Variants in SIGLEC8 observed in about 807,000 individuals in gnomAD.
The protein encoded by SIGLEC8 is sialic acid-binding Ig-like lectin 8.
Under a neutral mutation model 42.1 loss-of-function variants are expected in SIGLEC8, and 32 were observed. The ratio of observed to expected loss-of-function variants is 0.76; its 90% CI spans 0.57 to 1.02. The LOEUF is 1.02. Ranked by LOEUF, SIGLEC8 falls within the 50% of genes least tolerant of loss-of-function variation. SIGLEC8 has a pLI of 0.00. For synonymous variants in SIGLEC8, 262 were observed against 260.3 expected, an observed-to-expected ratio of 1.01 and a Z score of -0.06; for missense variants, 611 against 610.2, an observed-to-expected ratio of 1.00 and a Z score of -0.01.
In SIGLEC8 at chr19:51,454,369, G is replaced by A; in HGVS notation, c.1149-54C>T. On this transcript the variant is annotated intron_variant, in intron 5 of 6. Transcript: ENST00000321424. This position sits in a 1 kb window ranked among gnomAD's most constrained non-coding sequence, Gnocchi z 4.7. Reference sequence around the variant, plus strand: ...GTGTGGTCAGATCGGGGTGCAGTGGGCAGACCAACCCCTGCCCTGTATTTC... The same window carrying A: ...GTGTGGTCAGATCGGGGTGCAGTGGACAGACCAACCCCTGCCCTGTATTTC... 11 of 1,611,976 alleles carry A rather than the reference G, an allele frequency of 6.8e-6. No homozygotes were observed. Among genetic ancestry groups the A allele is most frequent in the Non-Finnish European group, 7.6e-6 (9 of 1,179,874 alleles).
At chr19:51,452,735 C>G (rs971376763) in intron 6 of SIGLEC8, 102 bp from the exon 7 acceptor site, 1 of 1,105,994 alleles carries the variant, frequency 9.0e-7, no homozygotes, top group Non-Finnish European at 1.2e-6. Context: ...TCCATTCATC[C>G]CACCTGCATT....
chr19:51,454,075 G>A lies in SIGLEC8; in HGVS notation c.1245+144C>T. On this transcript the variant is annotated intron_variant, in intron 6 of 6. Coordinates refer to ENST00000321424, the MANE Select transcript of SIGLEC8 (RefSeq NM_014442.3). The surrounding 1 kb of genome is among the most constrained non-coding windows in gnomAD (Gnocchi z 4.7). ...GACTGCCATGCTGTCAGCAAGATGG[G>A]GGAGTCCTGTAGAAGCCGGCCTGTG... 2 of 1,461,210 alleles carry A rather than the reference G, an allele frequency of 1.4e-6. No individual in the cohort carries two copies. Among genetic ancestry groups the A allele is most frequent in the South Asian group, 2.8e-5 (2 of 71,248 alleles). 90.5% of individuals were successfully genotyped at this position (1,461,210 alleles called of 1,614,324 possible).
chr19:51,457,109 G>A, intron 3 of SIGLEC8, 75 bp downstream of exon 3: 1 of 1,317,702 alleles, frequency 7.6e-7, no homozygotes, highest in Non-Finnish European at 1.1e-6. Flanking sequence ...GTGATTCCAG[G>A]ATGAGGAGAG....
chr19:51,453,909 GGCCAGGGAGAAGAGAT>G, intron 6 of SIGLEC8: 1 of 985,244 alleles, frequency 1.0e-6, no homozygotes, highest in Non-Finnish European at 1.2e-6. Context: ...GGATGGCTGG[GGCCAGGGAGAAGAGAT>G]GCCAGCTATT....
rs985516508 is a variant in SIGLEC8, at chr19:51,454,456, A to G, written c.1149-141T>C. 1.7e-5 allele frequency: 25 copies of G among 1,481,554 alleles called. No individual in the cohort carries two copies. The African/African-American group carries it at 3.0e-4, about 18-fold the overall frequency. The allele number at this position is 1,481,554 out of a possible 1,614,324, so 91.8% of individuals were successfully genotyped here. A position where few individuals can be genotyped will look rare whatever the true frequency, so the allele number is the denominator to read the frequency against. On this transcript the variant is annotated intron_variant, in intron 5 of 6. Coordinates refer to ENST00000321424, the MANE Select transcript of SIGLEC8 (RefSeq NM_014442.3). The surrounding 1 kb of genome is among the most constrained non-coding windows in gnomAD (Gnocchi z 4.7). Reference sequence around the variant, plus strand: ...CGGTGGTCCAGTTCCAGAGACCCCAACGGTGAAAACAGAGGCTCCTGCCTC... The same window carrying G: ...CGGTGGTCCAGTTCCAGAGACCCCAGCGGTGAAAACAGAGGCTCCTGCCTC...
chr19:51,458,403 C>G lies in SIGLEC8; in HGVS notation c.-16G>C, dbSNP rs373554885. 4.1e-5 allele frequency: 66 copies of G among 1,602,696 alleles called. No homozygotes were observed. The highest frequency in any genetic ancestry group is 5.1e-5 in the Non-Finnish European group (60 of 1,174,080). ...GCAGCAGCATGTCTGGGTTTGAAGG[C>G]GCCAGGGCCGCCAGGGAACGTCTGT... On this transcript the variant is annotated 5_prime_UTR_variant, in exon 1 of 7. Transcript: ENST00000321424.
Position 51,455,440 on chromosome 19 carries a change from G to A in SIGLEC8, c.1029C>T (p.Leu343=), listed in dbSNP as rs1469143890. ...AQGSQHISLS[L]SLQNEGTGTS... ...CACCTGTGCCCTCATTCTGCAGGGA[G>A]AGGCTCAGGGAAATGTGCTGGGAGC... Residue 343 remains leucine (L), a synonymous_variant, in exon 4 of 7, where the codon CTC becomes CTT. Coordinates refer to ENST00000321424, the MANE Select transcript of SIGLEC8 (RefSeq NM_014442.3). The A allele has an allele frequency of 6.2e-7, 1 of 1,614,046 alleles. No homozygotes were observed. The highest frequency in any genetic ancestry group is 1.1e-5 in the South Asian group (1 of 91,082).
rs964536645 is a variant in SIGLEC8 at position 51,452,580 on chromosome 19, T to G, written c.1299A>C (p.Pro433=). ...KDGNPLKKPP[P]AVAPSSGEEG... ...CCTCCCCTGACGAGGGGGCAACAGC[T>G]GGGGGAGGCTTCTTCAGGGGGTTGC... Residue 433 remains proline (P), a synonymous_variant, in exon 7 of 7, where the codon CCA becomes CCC. Transcript: ENST00000321424. The G allele has an allele frequency of 3.8e-6, 6 of 1,576,764 alleles. No homozygotes were observed. In the African/African-American group the frequency reaches 6.8e-5, roughly 18 times the overall value.
chr19:51,457,436 C>T (rs1444150726), intron 2 of SIGLEC8, 25 bp downstream of exon 2: 3 of 1,612,832 alleles, frequency 1.9e-6, no homozygotes, highest in South Asian at 2.2e-5. Context: ...CATGAGGGAC[C>T]TGGGCATCTT....
At position 51,458,409 on chromosome 19, in the gene SIGLEC8, G is replaced by A. The variant is rs1339245699; in HGVS notation, c.-22C>T. ...GCATGTCTGGGTTTGAAGGCGCCAG[G>A]GCCGCCAGGGAACGTCTGTTCCTCA... On this transcript the variant is annotated 5_prime_UTR_variant, in exon 1 of 7. Transcript: ENST00000321424. The A allele has an allele frequency of 6.2e-7, 1 of 1,603,616 alleles. No individual in the cohort carries two copies. The highest frequency in any genetic ancestry group is 1.1e-5 in the South Asian group (1 of 89,186).
chr19:51,454,147 G>C lies in SIGLEC8; in HGVS notation c.1245+72C>G. ...AGTGACTTTGGCCATACCAAAGAGA[G>C]CGATCCTGGGGGCCATCCTGTCAGA... is the stretch of plus-strand genomic sequence containing the variant. On this transcript the variant is annotated intron_variant, in intron 6 of 6. Transcript: ENST00000321424. The surrounding 1 kb of genome is among the most constrained non-coding windows in gnomAD (Gnocchi z 4.7). The C allele has an allele frequency of 6.2e-7, 1 of 1,601,064 alleles. No individual in the cohort carries two copies. The highest frequency in any genetic ancestry group is 8.5e-7 in the Non-Finnish European group (1 of 1,173,136).
chr19:51,454,812 T>C lies in SIGLEC8; in HGVS notation c.1052-32A>G, dbSNP rs1167961636. The stretch of plus-strand genomic sequence containing the variant: ...ATGGATTGGAGTTGCTTTGGGGATT[T>C]ATATCACGGAGAAGTGGGTCTCTTC... On this transcript the variant is annotated intron_variant, in intron 4 of 6. Coordinates refer to ENST00000321424, the MANE Select transcript of SIGLEC8 (RefSeq NM_014442.3). The surrounding 1 kb of genome is among the most constrained non-coding windows in gnomAD (Gnocchi z 4.7). The C allele has an allele frequency of 6.5e-7, 1 of 1,539,248 alleles. No homozygotes were observed. Among genetic ancestry groups the C allele is most frequent in the South Asian group, 1.1e-5 (1 of 89,568 alleles).
chr19:51,456,177 C>T (rs1989488820), intron 3 of SIGLEC8, among the ~76,000 whole-genome samples: 2 of 151,808 alleles, frequency 1.3e-5, no homozygotes, highest in African/African-American at 4.8e-5. Flanking sequence ...ATGTAACAAA[C>T]CTGCACGTTG....
In SIGLEC8 at chr19:51,458,138, G is replaced by T. The variant is rs1989543353; in HGVS notation, c.250C>A (p.Pro84Thr). The change falls in exon 1 of 7, where the codon CCA (proline) becomes ACA (threonine). Residue 84 changes from proline to threonine, a missense_variant. Transcript: ENST00000321424. ...YQDAPVATNNPDREVQAETQG... is the reference protein window; with the variant it reads ...YQDAPVATNNTDREVQAETQG... Reference sequence around the variant, plus strand: ...GTCTCTGCCTGCACTTCTCTGTCTGGGTTGTTTGTGGCCACTGGAGCGTCT... The same window carrying T: ...GTCTCTGCCTGCACTTCTCTGTCTGTGTTGTTTGTGGCCACTGGAGCGTCT... 1 of 1,613,982 alleles carries T rather than the reference G, an allele frequency of 6.2e-7. No homozygotes were observed. Among genetic ancestry groups the T allele is most frequent in the African/African-American group, 1.3e-5 (1 of 74,890 alleles).
At chr19:51,456,007 TA>T (rs1474245059) in intron 3 of SIGLEC8, among the ~76,000 whole-genome samples, 1 of 141,380 alleles carries the variant, frequency 7.1e-6, no homozygotes, top group African/African-American at 2.7e-5. Flanking sequence ...TTCTCACTCA[TA>T]AGTGGGAACT....
In SIGLEC8 at chr19:51,455,473, G is replaced by A. The variant is rs771076418; in HGVS notation, c.996C>T (p.Asn332=). Residue 332 remains asparagine, a synonymous_variant, in exon 4 of 7, where the codon AAC becomes AAT. Transcript: ENST00000321424. ...GGGAAATGTGCTGGGAGCCCTGAGC[G>A]TTCTGAGCTCGGCAGGTGAATTCCC... is the stretch of plus-strand genomic sequence containing the variant. ...DEGEFTCRAQ[N]AQGSQHISLS... is the part of the protein sequence containing the mutation. 72 of 1,614,140 alleles carry A rather than the reference G, an allele frequency of 4.5e-5. No individual in the cohort carries two copies. The highest frequency in any genetic ancestry group is 1.3e-4 in the South Asian group (12 of 91,070).
Position 51,452,306 on chromosome 19 carries a change from T to C in SIGLEC8, c.*73A>G. The C allele has an allele frequency of 7.3e-7, 1 of 1,364,138 alleles. No homozygotes were observed. The highest frequency in any genetic ancestry group is 1.5e-5 in the South Asian group (1 of 64,812). 84.5% of individuals were successfully genotyped at this position (1,364,138 alleles called of 1,614,324 possible). On this transcript the variant is annotated 3_prime_UTR_variant, in exon 7 of 7. Coordinates refer to ENST00000321424, the MANE Select transcript of SIGLEC8 (RefSeq NM_014442.3). ...GGGGAGACATTGGTCCAAGTTTTGG[T>C]TAGACAGGAGGAGGGAGCCCTGGTG...
rs569727007 is a variant in SIGLEC8, at chr19:51,455,286, T to C, written c.1051+132A>G. 4.3e-5 allele frequency: 51 copies of C among 1,182,080 alleles called. No homozygotes were observed. The African/African-American group carries it at 7.4e-4, about 17-fold the overall frequency. 73.2% of individuals were successfully genotyped at this position (1,182,080 alleles called of 1,614,324 possible). A position where few individuals can be genotyped will look rare whatever the true frequency, so the allele number is the denominator to read the frequency against. ...GGGGAGAGGACAGTGATGCTCTGGG[T>C]CGCAGGGAAGTTCCAGGCCTCACAG... On this transcript the variant is annotated intron_variant, in intron 4 of 6. Transcript: ENST00000321424.
intron 1 of SIGLEC8, 29 bp downstream of exon 1, chr19:51,457,903 CCT>C: frequency 6.2e-7 from 1 of 1,607,232 alleles, no homozygotes; most frequent in Non-Finnish European, 8.5e-7. Context: ...ATGACCTTCC[CCT>C]GTGGCCTGTG....
Sources: allele counts gnomAD v4.1 joint callset (sites outside exome capture counted in the v4.1 genomes callset), GRCh38; gene constraint gnomAD v4.1.1; non-coding constraint Gnocchi (gnomAD v3.1); transcripts MANE v1.5; gene names NCBI Gene and HGNC (gene_info 2026-07-23, HGNC 2026-07-21).